The following UBE2W variants were observed in gnomAD, a reference collection of about 807,000 sequenced individuals.
UBE2W encodes the protein ubiquitin conjugating enzyme E2 W, also known as ubiquitin-conjugating enzyme E2 W.
In UBE2W, 18 loss-of-function variants were observed where a neutral mutation model predicts 27.2. That is an observed-to-expected ratio of 0.66 (90% CI 0.46 to 0.98). The LOEUF is 0.98. Among genes scored for constraint, UBE2W ranks in the 50% least tolerant of loss-of-function variants. UBE2W has a pLI of 0.00. For missense variants in UBE2W, 90 were observed against 180.2 expected (o/e 0.50, Z 2.87); for synonymous variants, 53 against 57.2 (o/e 0.93, Z 0.33).
intron 1 of UBE2W, among the ~76,000 whole-genome samples, chr8:73,874,373 A>C (rs1351391249): frequency 6.6e-6 from 1 of 152,328 alleles, no homozygotes; most frequent in East Asian, 1.9e-4. Context: ...TGGAGCCTGC[A>C]GTGAGCCGAG....
intron 3 of UBE2W, among the ~76,000 whole-genome samples, chr8:73,813,114 A>C (rs1174166915): frequency 1.4e-5 from 2 of 148,040 alleles, no homozygotes; most frequent in African/African-American, 2.5e-5. Flanking sequence ...AAAAAAGAAC[A>C]ACTGCCAAAT....
At chr8:73,844,290 G>A (rs1384461428) in intron 1 of UBE2W, among the ~76,000 whole-genome samples, 1 of 151,958 alleles carries the variant, frequency 6.6e-6, no homozygotes, top group Non-Finnish European at 1.5e-5. Flanking sequence ...TGGGATTGCA[G>A]GCGCGCGCCG....
Position 73,793,928 on chromosome 8 carries a change from A to G in UBE2W, c.*174T>C. The G allele has an allele frequency of 6.9e-7, 1 of 1,445,080 alleles. No homozygotes were observed. Among genetic ancestry groups the G allele is most frequent in the Non-Finnish European group, 9.1e-7 (1 of 1,097,178 alleles). The allele number at this position is 1,445,080 out of a possible 1,614,324, so 89.5% of individuals were successfully genotyped here. A position where few individuals can be genotyped will look rare whatever the true frequency, so the allele number is the denominator to read the frequency against. On this transcript the variant is annotated 3_prime_UTR_variant, in exon 6 of 6. Transcript: ENST00000602593. ...AAAGCATGTCAGTTGCCTGGACTGA[A>G]CCAGCGATCAACATGCGCCCAGAAT... is the stretch of plus-strand genomic sequence containing the variant.
chr8:73,816,610 T>C (rs1036401970), intron 3 of UBE2W, among the ~76,000 whole-genome samples: 1 of 152,210 alleles, frequency 6.6e-6, no homozygotes, highest in African/African-American at 2.4e-5. Context: ...AAGGCAATTG[T>C]ACTTTCAGCA....
chr8:73,805,127 T>C (rs373917480), intron 5 of UBE2W, among the ~76,000 whole-genome samples: 3 of 152,058 alleles, frequency 2.0e-5, no homozygotes, highest in East Asian at 3.9e-4. Context: ...ATTTTACTTT[T>C]ATGATGGCTA....
At chr8:73,808,637 A>C (rs1402342152) in intron 4 of UBE2W, among the ~76,000 whole-genome samples, 4 of 152,244 alleles carry the variant, frequency 2.6e-5, no homozygotes, top group African/African-American at 9.6e-5. Context: ...ATCACTTAGC[A>C]CAGTAAAAGT....
At chr8:73,795,807 C>A (rs1563569826) in intron 5 of UBE2W, 32 of 984,286 alleles carry the variant, frequency 3.3e-5, no homozygotes, top group Non-Finnish European at 3.6e-5. Flanking sequence ...CTTGGCAATG[C>A]AAAGTGGCTC....
chr8:73,870,665 A>T lies in UBE2W; in HGVS notation c.15+8143T>A, dbSNP rs139936540. ...ACATGTCAGGCACTAGGTTACATCC[A>T]AGAAAATAGAAAATAAGCTAATTAA... is the stretch of plus-strand genomic sequence containing the variant. On this transcript the variant is annotated intron_variant, in intron 1 of 5. Transcript: ENST00000602593. Among the ~76,000 whole-genome samples, 1,053 of 152,228 alleles carry T rather than the reference A, an allele frequency of 6.9e-3. 11 individuals are homozygous for T. The highest frequency in any genetic ancestry group is 0.025 in the African/African-American group (1,020 of 41,524).
Position 73,788,286 on chromosome 8 carries a change from A to G in UBE2W, c.*5816T>C. 1.0e-6 allele frequency: 1 copy of G among 980,040 alleles called. No homozygotes were observed. Among genetic ancestry groups the G allele is most frequent in the Non-Finnish European group, 1.2e-6 (1 of 825,038 alleles). The allele number at this position is 980,040 out of a possible 1,614,324, so 60.7% of individuals were successfully genotyped here. ...TATTTAAAAAGTAGTGACTTTACAT[A>G]TTTTGCAACTTGAGTTTATAAAATA... On this transcript the variant is annotated 3_prime_UTR_variant, in exon 6 of 6. Transcript: ENST00000602593.
rs1434009237 is a variant in UBE2W, at chr8:73,793,425, C to T, written c.*677G>A. On this transcript the variant is annotated 3_prime_UTR_variant, in exon 6 of 6. Coordinates refer to ENST00000602593, the MANE Select transcript of UBE2W (RefSeq NM_018299.6). ...TAATTTATTTTCACCATAGGGATAA[C>T]ATACTGTACCTCTCTGCCAATGTTA... The T allele has an allele frequency of 5.1e-6, 5 of 985,706 alleles. No individual in the cohort carries two copies. In the African/African-American group the frequency reaches 5.2e-5, roughly 10 times the overall value. The allele number at this position is 985,706 out of a possible 1,614,324, so 61.1% of individuals were successfully genotyped here.
chr8:73,825,423 C>T (rs901342518), intron 2 of UBE2W, among the ~76,000 whole-genome samples, 174 bp from the exon 3 acceptor site: 1 of 152,180 alleles, frequency 6.6e-6, no homozygotes, highest in Admixed American at 6.5e-5. Context: ...CATGACCTAT[C>T]CCCTTCTCTG....
At chr8:73,805,472 C>CAAAAAAAAAAAAACAAAAAAAA in intron 5 of UBE2W, among the ~76,000 whole-genome samples, 179 bp downstream of exon 5, 6 of 43,676 alleles carry the variant, frequency 1.4e-4, no homozygotes, top group Admixed American at 3.9e-4. Flanking sequence ...AAAAAAAAAA[C>CAAAAAAAAAAAAACAAAAAAAA]AAAAAAAACT....
At chr8:73,860,473 G>A (rs1421008810) in intron 1 of UBE2W, among the ~76,000 whole-genome samples, 1 of 152,102 alleles carries the variant, frequency 6.6e-6, no homozygotes, top group Non-Finnish European at 1.5e-5. Context: ...TCTGAGTGAT[G>A]ATGCCAGTAA....
chr8:73,862,558 A>G (rs569982389), intron 1 of UBE2W, among the ~76,000 whole-genome samples: 3,457 of 149,478 alleles, frequency 0.023, 131 homozygotes, highest in African/African-American at 0.082. Context: ...AATGGCAACA[A>G]AAGACAAAAT....
Position 73,810,421 on chromosome 8 carries a change from T to A in UBE2W, c.366+53A>T, listed in dbSNP as rs780674871. On this transcript the variant is annotated intron_variant, in intron 4 of 5. Transcript: ENST00000602593. The stretch of plus-strand genomic sequence containing the variant: ...AATAATTACATATTAAAATTATTTA[T>A]CTACCTAACTGAAAGAAGAGATATT... 12 of 1,474,422 alleles carry A rather than the reference T, an allele frequency of 8.1e-6. No individual in the cohort carries two copies. In the African/African-American group the frequency reaches 1.7e-4, roughly 21 times the overall value. The allele number at this position is 1,474,422 out of a possible 1,614,324, so 91.3% of individuals were successfully genotyped here. A position where few individuals can be genotyped will look rare whatever the true frequency, so the allele number is the denominator to read the frequency against.
At chr8:73,830,156 CAA>C (rs60906743) in intron 2 of UBE2W, among the ~76,000 whole-genome samples, 32,122 of 151,800 alleles carry the variant, frequency 0.21, 4,400 homozygotes, top group East Asian at 0.5. Context: ...AAAAATGTAC[CAA>C]AGATAGTTTA....
exon 5 of UBE2W, chr8:73,780,291 C>G: frequency 3.8e-6 from 1 of 265,848 alleles, no homozygotes; most frequent in South Asian, 4.0e-5. Flanking sequence ...ACTGCATGGT[C>G]TTCTCCCCAT....
At chr8:73,811,188 A>C (rs539232295) in intron 3 of UBE2W, among the ~76,000 whole-genome samples, 1 of 152,302 alleles carries the variant, frequency 6.6e-6, no homozygotes, top group East Asian at 1.9e-4. Flanking sequence ...TTAATCAGTA[A>C]ATAACTATGT....
At chr8:73,866,924 G>C (rs1423261053) in intron 1 of UBE2W, among the ~76,000 whole-genome samples, 4 of 151,070 alleles carry the variant, frequency 2.6e-5, no homozygotes, top group South Asian at 2.1e-4. Flanking sequence ...AGAATCGCTT[G>C]AACCCATGAG....
Sources: gnomAD v4.1 joint callset for allele counts (sites outside exome capture counted in the v4.1 genomes callset) on GRCh38, gnomAD v4.1.1 for gene constraint, MANE v1.5 for transcripts, NCBI Gene and HGNC (gene_info 2026-07-23, HGNC 2026-07-21) for gene names.